Variants in PRSS23 observed in about 807,000 individuals in gnomAD.
PRSS23 encodes serine protease 23, also known as protease, serine 23.
In PRSS23, 25 loss-of-function variants were observed where a neutral mutation model predicts 34.7. That is an observed-to-expected ratio of 0.72 (90% CI 0.53 to 1.01). The LOEUF (loss-of-function observed/expected upper bound fraction) is 1.01, where lower values mean the gene tolerates loss of function less well. Among genes scored for constraint, PRSS23 ranks in the 50% least tolerant of loss-of-function variants. The pLI is 0.00. For missense variants in PRSS23, 445 were observed against 475.6 expected, an observed-to-expected ratio of 0.94 and a Z score of 0.60; for synonymous variants, 176 against 186.6, an observed-to-expected ratio of 0.94 and a Z score of 0.46.
rs199577384 is a variant in PRSS23, at chr11:86,951,189, C to T, written c.207-27C>T. On this transcript the variant is annotated intron_variant, in intron 2 of 2. Coordinates refer to the PRSS23 transcript ENST00000533902. ...TTTCCAGGCTTCACCCAACCATTTC[C>T]TCTCTTCTCTCTCTTTACCTTTCCA... is the stretch of plus-strand genomic sequence containing the variant. 3.1e-6 allele frequency: 5 copies of T among 1,613,910 alleles called. No individual in the cohort carries two copies. The East Asian group carries it at 8.9e-5, about 29-fold the overall frequency.
In PRSS23 at chr11:86,808,785, G is replaced by C; in HGVS notation, c.1142G>C (p.Arg381Thr). The change falls in exon 2 of 2, where the codon AGG (arginine) becomes ACG (threonine). Residue 381 changes from arginine to threonine, a missense_variant. Coordinates refer to ENST00000280258, the MANE Select transcript of PRSS23 (RefSeq NM_007173.6). ...YWIKGNYLDCREG is the reference protein window; with the variant it reads ...YWIKGNYLDCTEG ...ATTAAAGGAAACTACCTGGATTGTA[G>C]GGAGGGGTGACACAGTGTTCCCTCC... The C allele has an allele frequency of 6.2e-7, 1 of 1,606,582 alleles. No homozygotes were observed. The highest frequency in any genetic ancestry group is 8.5e-7 in the Non-Finnish European group (1 of 1,175,212).
intron 2 of PRSS23, among the ~76,000 whole-genome samples, chr11:86,916,925 C>T (rs575471755): frequency 2.6e-5 from 4 of 152,310 alleles, no homozygotes; most frequent in East Asian, 1.9e-4. Context: ...TTTCTGTATC[C>T]GTACAGCTTA....
At chr11:86,860,000 C>T (rs1160775609) in intron 2 of PRSS23, among the ~76,000 whole-genome samples, 1 of 151,886 alleles carries the variant, frequency 6.6e-6, no homozygotes, top group East Asian at 1.9e-4. Context: ...TATACCCAAC[C>T]TGTGATGTTG....
rs149662628 is a variant in PRSS23, at chr11:86,940,411, T to C, written c.207-10805T>C. Among the ~76,000 whole-genome samples, 63 of 152,332 alleles carry C rather than the reference T, an allele frequency of 4.1e-4. 1 individual carries two copies. The highest frequency in any genetic ancestry group is 1.2e-3 in the African/African-American group (51 of 41,582). ...CCAGAGCTACAGAGGACACAATTTGTTGTGGCTTCTCTGAAAATCACCCCC... is the reference window on the plus strand; with the variant it reads ...CCAGAGCTACAGAGGACACAATTTGCTGTGGCTTCTCTGAAAATCACCCCC... On this transcript the variant is annotated intron_variant, in intron 2 of 2. Coordinates refer to the PRSS23 transcript ENST00000533902.
At chr11:86,865,019 C>A (rs1948640812) in intron 2 of PRSS23, among the ~76,000 whole-genome samples, 1 of 152,226 alleles carries the variant, frequency 6.6e-6, no homozygotes, top group Admixed American at 6.5e-5. Context: ...ACCACATCTA[C>A]AAAGTTCCTT....
chr11:86,876,647 G>A (rs1011503120), intron 2 of PRSS23, among the ~76,000 whole-genome samples: 4 of 151,918 alleles, frequency 2.6e-5, no homozygotes, highest in Non-Finnish European at 5.9e-5. Flanking sequence ...CTGAATCAGA[G>A]TTTATTGTTT....
At position 86,826,080 on chromosome 11, in the gene PRSS23, A is replaced by G. The variant is rs901027542; in HGVS notation, c.206+2487A>G. ...ATAAATTACCTTGGGCCGTATGGCCATTTTCACGATATTGATTCTTCCTAC... is the reference window on the plus strand; with the variant it reads ...ATAAATTACCTTGGGCCGTATGGCCGTTTTCACGATATTGATTCTTCCTAC... On this transcript the variant is annotated intron_variant, in intron 2 of 2. Transcript: ENST00000533902. Among the ~76,000 whole-genome samples the G allele has an allele frequency of 7.2e-5, 11 of 152,180 alleles. No individual in the cohort carries two copies. The South Asian group carries it at 1.9e-3, about 26-fold the overall frequency.
Position 86,809,847 on chromosome 11 carries a change from C to A in PRSS23, c.*1052C>A, listed in dbSNP as rs995712465. The stretch of plus-strand genomic sequence containing the variant: ...GCCTGGCACAGTCCTCCAGCCTGAT[C>A]AAAAATTATTCTGCATAGTTTTCAG... On this transcript the variant is annotated 3_prime_UTR_variant, in exon 2 of 2. Coordinates refer to ENST00000280258, the MANE Select transcript of PRSS23 (RefSeq NM_007173.6). 3 of 166,936 alleles carry A rather than the reference C, an allele frequency of 1.8e-5. No individual in the cohort carries two copies. The allele number at this position is 166,936 out of a possible 1,614,324, so 10.3% of individuals were successfully genotyped here.
At chr11:86,874,170 A>G (rs935038572) in intron 2 of PRSS23, among the ~76,000 whole-genome samples, 1 of 152,112 alleles carries the variant, frequency 6.6e-6, no homozygotes, top group Admixed American at 6.6e-5. Context: ...AGTTCGAAGG[A>G]AGTTCACCAA....
intron 2 of PRSS23, among the ~76,000 whole-genome samples, chr11:86,840,421 C>T (rs984267333): frequency 6.6e-6 from 1 of 152,166 alleles, no homozygotes; most frequent in African/African-American, 2.4e-5. Flanking sequence ...AGCTAACTAT[C>T]CTAAATATAT....
chr11:86,866,638 T>G (rs1157801089), intron 2 of PRSS23, among the ~76,000 whole-genome samples: 1 of 152,204 alleles, frequency 6.6e-6, no homozygotes, highest in Non-Finnish European at 1.5e-5. Flanking sequence ...ATGTGGTTTG[T>G]TTGTCACCAA....
At chr11:86,839,998 T>A (rs1169576726) in intron 2 of PRSS23, among the ~76,000 whole-genome samples, 1 of 151,694 alleles carries the variant, frequency 6.6e-6, no homozygotes, top group South Asian at 2.1e-4. Flanking sequence ...TGCAAAAACA[T>A]GCCAAATTGT....
chr11:86,798,321 C>A (rs72969419), upstream of PRSS23, among the ~76,000 whole-genome samples: 12,877 of 152,250 alleles, frequency 0.085, 783 homozygotes, highest in Non-Finnish European at 0.12. Flanking sequence ...TAGTCTTTGG[C>A]AGCAAGAGTT....
At chr11:86,821,250 T>C in intron 1 of PRSS23, 1 of 528,830 alleles carries the variant, frequency 1.9e-6, no homozygotes, top group Non-Finnish European at 3.2e-6. Context: ...ATCACAAATT[T>C]AGTAATCCGA....
At chr11:86,840,191 G>C (rs1590888575) in intron 2 of PRSS23, among the ~76,000 whole-genome samples, 1 of 152,164 alleles carries the variant, frequency 6.6e-6, no homozygotes, top group Admixed American at 6.5e-5. Flanking sequence ...TCAGTGTGCT[G>C]TATTCAGGAT....
chr11:86,791,422 C>A (rs1454953537), intron 1 of PRSS23, among the ~76,000 whole-genome samples: 1 of 152,148 alleles, frequency 6.6e-6, no homozygotes, highest in African/African-American at 2.4e-5. Flanking sequence ...ACAGGTTACT[C>A]TTCTGAAAAA....
intron 2 of PRSS23, among the ~76,000 whole-genome samples, chr11:86,926,084 C>T (rs999823767): frequency 3.3e-5 from 5 of 152,160 alleles, no homozygotes; most frequent in Admixed American, 1.3e-4. Context: ...CACCCAAGGC[C>T]GGATGCAGTG....
At position 86,808,414 on chromosome 11, in the gene PRSS23, G is replaced by A. The variant is rs1430684757; in HGVS notation, c.771G>A (p.Lys257=). ...YALLELKKPH[K]RKFMKIGVSP... ...TCCTGGAACTCAAAAAGCCCCACAA[G>A]AGAAAATTTATGAAGATTGGGGTGA... The change falls in exon 2 of 2, where the codon AAG becomes AAA. Residue 257 remains lysine, a synonymous_variant. Coordinates refer to ENST00000280258, the MANE Select transcript of PRSS23 (RefSeq NM_007173.6). 6.2e-7 allele frequency: 1 copy of A among 1,614,106 alleles called. No homozygotes were observed. Among genetic ancestry groups the A allele is most frequent in the African/African-American group, 1.3e-5 (1 of 74,948 alleles).
chr11:86,840,660 C>G (rs1409084670), intron 2 of PRSS23, among the ~76,000 whole-genome samples: 1 of 152,204 alleles, frequency 6.6e-6, no homozygotes, highest in African/African-American at 2.4e-5. Context: ...AATATACATT[C>G]TTGTCAGCAC....
Sources: allele counts gnomAD v4.1 joint callset (sites outside exome capture counted in the v4.1 genomes callset), GRCh38; gene constraint gnomAD v4.1.1; transcripts MANE v1.5; gene names NCBI Gene and HGNC (gene_info 2026-07-23, HGNC 2026-07-21).